The following DCHS2 variants were observed in gnomAD, a reference collection of about 807,000 sequenced individuals.
DCHS2 encodes protocadherin-23.
DCHS2 carries 142 observed loss-of-function variants against 182.4 expected under a neutral mutation model. The observed-to-expected ratio is 0.78, with a 90% CI of 0.68 to 0.89. DCHS2 has a LOEUF of 0.89. Among genes scored for constraint, DCHS2 ranks in the 40% least tolerant of loss-of-function variants. DCHS2 has a pLI of 0.00. For synonymous variants in DCHS2, 1,740 were observed against 1,663.3 expected, an observed-to-expected ratio of 1.05 and a Z score of -1.12; for missense variants, 4,319 against 4,198.6, an observed-to-expected ratio of 1.03 and a Z score of -0.79.
intron 3 of DCHS2, among the ~76,000 whole-genome samples, chr4:154,352,937 T>A (rs1274431613): frequency 2.0e-5 from 3 of 152,146 alleles, no homozygotes; most frequent in Non-Finnish European, 4.4e-5. Context: ...GTTTCTCCAA[T>A]AAAATTAGGT....
At chr4:154,356,482 T>C (rs1477455186) in intron 3 of DCHS2, among the ~76,000 whole-genome samples, 2 of 152,218 alleles carry the variant, frequency 1.3e-5, no homozygotes, top group Non-Finnish European at 2.9e-5. Context: ...TACAGTAATG[T>C]CCTACATCTT....
chr4:154,307,294 G>T (rs1486059325), intron 10 of DCHS2, among the ~76,000 whole-genome samples: 1 of 152,126 alleles, frequency 6.6e-6, no homozygotes, highest in Non-Finnish European at 1.5e-5. Flanking sequence ...TGAGCAAATT[G>T]GAAATTTGGA....
intron 10 of DCHS2, among the ~76,000 whole-genome samples, chr4:154,314,324 A>C (rs1735772838): frequency 6.6e-6 from 1 of 152,190 alleles, no homozygotes; most frequent in African/African-American, 2.4e-5. Context: ...TGAAACACAA[A>C]GCTTATGTAT....
chr4:154,384,536 G>A, intron 1 of DCHS2: 2 of 1,543,902 alleles, frequency 1.3e-6, no homozygotes, highest in Non-Finnish European at 8.7e-7. Context: ...CAGAACCTAT[G>A]ACTATTCTCT....
At chr4:154,446,912 C>T (rs1386182072) in intron 1 of DCHS2, among the ~76,000 whole-genome samples, 1 of 152,014 alleles carries the variant, frequency 6.6e-6, no homozygotes. Flanking sequence ...ACACACTTCA[C>T]CTGTGAGGAA....
chr4:154,335,114 G>A lies in DCHS2; in HGVS notation c.2477-10C>T, dbSNP rs763665549. 1.3e-6 allele frequency: 2 copies of A among 1,542,338 alleles called. No individual in the cohort carries two copies. Among genetic ancestry groups the A allele is most frequent in the Admixed American group, 1.7e-5 (1 of 59,924 alleles). Reference sequence around the variant, plus strand: ...GTTAAGTAAATAATTCCTGGGTAGGGAAAAGAAAACATTGGTAAACAGATA... The same window carrying A: ...GTTAAGTAAATAATTCCTGGGTAGGAAAAAGAAAACATTGGTAAACAGATA... On this transcript the variant is annotated splice_polypyrimidine_tract_variant and intron_variant, in intron 3 of 19. Coordinates refer to ENST00000357232, the MANE Select transcript of DCHS2 (RefSeq NM_001358235.2).
At chr4:154,279,590 A>T (rs1341092263) in intron 13 of DCHS2, among the ~76,000 whole-genome samples, 1 of 152,076 alleles carries the variant, frequency 6.6e-6, no homozygotes, top group Non-Finnish European at 1.5e-5. Context: ...AAGCTAGTAA[A>T]TTCTCAAGTA....
At chr4:154,364,242 G>A (rs903142736) in intron 3 of DCHS2, among the ~76,000 whole-genome samples, 3 of 152,190 alleles carry the variant, frequency 2.0e-5, no homozygotes, top group African/African-American at 7.2e-5. Context: ...GTCTGGCTTC[G>A]GCCAGGACAG....
intron 1 of DCHS2, among the ~76,000 whole-genome samples, chr4:154,450,684 T>C (rs1384005662): frequency 1.3e-5 from 2 of 151,910 alleles, no homozygotes; most frequent in Admixed American, 6.6e-5. Flanking sequence ...AATACAAAAA[T>C]TAGCCAGGCA....
rs762746440 is a variant in DCHS2 at position 154,333,273 on chromosome 4, A to G, written c.2935T>C (p.Phe979Leu). ...CTAATCTCATCCGAGGTCCTGAGGA[A>G]CGCTGGGTGGTTGTCATTGACATCC... ...VMDVNDNHPA[F>L]LRTSDEIRIS... is the part of the protein sequence containing the mutation. The change falls in exon 5 of 20, where the codon TTC (phenylalanine) becomes CTC (leucine). Residue 979 changes from phenylalanine to leucine, a missense_variant. Physicochemically the swap from Phe to Leu is conservative, Grantham distance 22. Coordinates refer to ENST00000357232, the MANE Select transcript of DCHS2 (RefSeq NM_001358235.2). 6.2e-7 allele frequency: 1 copy of G among 1,614,210 alleles called. No homozygotes were observed.
At chr4:154,414,738 T>C (rs1341590095) in intron 1 of DCHS2, among the ~76,000 whole-genome samples, 1 of 152,020 alleles carries the variant, frequency 6.6e-6, no homozygotes, top group Non-Finnish European at 1.5e-5. Context: ...TACATGAATA[T>C]GTAAAAGTTG....
chr4:154,479,853 T>G (rs1261726134), intron 1 of DCHS2, among the ~76,000 whole-genome samples: 1 of 152,134 alleles, frequency 6.6e-6, no homozygotes, highest in Non-Finnish European at 1.5e-5. Context: ...GCAGTGGAAG[T>G]GAAACAGACA....
chr4:154,242,240 A>C (rs554457866), intron 17 of DCHS2, among the ~76,000 whole-genome samples: 2 of 152,194 alleles, frequency 1.3e-5, no homozygotes, highest in Non-Finnish European at 1.5e-5. Flanking sequence ...ATAAACATCT[A>C]ATTCACTTCA....
rs146700220 is a variant in DCHS2, at chr4:154,304,687, C to T, written c.5587G>A (p.Val1863Ile). Residue 1863 changes from valine (V) to isoleucine (I), a missense_variant, in exon 12 of 20, where the codon GTT (valine) becomes ATT (isoleucine). Physicochemically the swap from Val to Ile is conservative, Grantham distance 29 (BLOSUM62 3). Coordinates refer to ENST00000357232, the MANE Select transcript of DCHS2 (RefSeq NM_001358235.2). ...SDMDAGNNRA[V>I]EYHIIDGNTD... ...AACTTACCAATTATGTGATATTCAACAGCTCTGTTATTGCCAGCATCCATA... is the reference window on the plus strand; with the variant it reads ...AACTTACCAATTATGTGATATTCAATAGCTCTGTTATTGCCAGCATCCATA... 577 of 1,610,068 alleles carry T rather than the reference C, an allele frequency of 3.6e-4. 2 individuals are homozygous for T. Among genetic ancestry groups the T allele is most frequent in the Non-Finnish European group, 4.4e-4 (521 of 1,178,150 alleles).
Position 154,489,514 on chromosome 4 carries a change from C to T in DCHS2, c.1842G>A (p.Ala614=), listed in dbSNP as rs1416302164. Residue 614 remains alanine, a synonymous_variant, in exon 1 of 20, where the codon GCG becomes GCA. Transcript: ENST00000357232. ...GGTCTAGAGTCCGGATAGTGCTGAT[C>T]GCACCGCTTTCGGAATCAATGGCAA... ...PSFAIDSESG[A]ISTIRTLDRE... 1 of 1,551,674 alleles carries T rather than the reference C, an allele frequency of 6.4e-7. No homozygotes were observed. The highest frequency in any genetic ancestry group is 8.7e-7 in the Non-Finnish European group (1 of 1,146,980).
At chr4:154,281,603 T>C (rs113526983) in intron 13 of DCHS2, among the ~76,000 whole-genome samples, 1,948 of 152,212 alleles carry the variant, frequency 0.013, 45 homozygotes, top group African/African-American at 0.044. Flanking sequence ...GACCATAGTA[T>C]CAAAAGGAAT....
intron 1 of DCHS2, among the ~76,000 whole-genome samples, chr4:154,470,772 C>A (rs1475686312): frequency 3.3e-5 from 5 of 152,078 alleles, no homozygotes; most frequent in Non-Finnish European, 7.4e-5. Context: ...CATCTTCCCC[C>A]CAAAGAAAGA....
chr4:154,329,509 G>C lies in DCHS2; in HGVS notation c.3918+14C>G. ...TAAGATATTACAAATTCATTGCAAG[G>C]TTTCTTCACAAACCTTCACGTGTAA... On this transcript the variant is annotated intron_variant, in intron 6 of 19. Transcript: ENST00000357232. 6.2e-7 allele frequency: 1 copy of C among 1,608,740 alleles called. No homozygotes were observed. Among genetic ancestry groups the C allele is most frequent in the Non-Finnish European group, 8.5e-7 (1 of 1,176,134 alleles).
chr4:154,442,618 C>T (rs186834995), intron 1 of DCHS2, among the ~76,000 whole-genome samples: 337 of 148,742 alleles, frequency 2.3e-3, no homozygotes, highest in Non-Finnish European at 3.9e-3. Context: ...TTTTCCCCCA[C>T]ATCCCTACTG....
Sources: allele counts gnomAD v4.1 joint callset (sites outside exome capture counted in the v4.1 genomes callset), GRCh38; gene constraint gnomAD v4.1.1; transcripts MANE v1.5; gene names NCBI Gene and HGNC (gene_info 2026-07-23, HGNC 2026-07-21).